BICD1: variants seen among roughly 807,000 people sequenced by gnomAD.
The protein encoded by BICD1 is BICD cargo adaptor 1.
BICD1 carries 35 observed loss-of-function variants against 92.5 expected under a neutral mutation model. The observed-to-expected ratio is 0.38, with a 90% confidence interval of 0.29 to 0.50. The LOEUF (loss-of-function observed/expected upper bound fraction) is 0.50, where lower values mean the gene tolerates loss of function less well. Among genes scored for constraint, BICD1 ranks in the 20% least tolerant of loss-of-function variants. The pLI, the probability that BICD1 is intolerant of heterozygous loss-of-function variation, is 0.93. For synonymous variants in BICD1, 429 were observed against 465.1 expected, an observed-to-expected ratio of 0.92 and a Z score of 1.00; for missense variants, 950 against 1,189.8, an observed-to-expected ratio of 0.80 and a Z score of 2.97.
At chr12:32,300,954 C>A (rs1226203091) in intron 3 of BICD1, among the ~76,000 whole-genome samples, 1 of 152,016 alleles carries the variant, frequency 6.6e-6, no homozygotes, top group Non-Finnish European at 1.5e-5. Flanking sequence ...CCCGGCCCAA[C>A]TTTACAGTAT....
At chr12:32,243,257 CT>C (rs1946282369) in intron 2 of BICD1, among the ~76,000 whole-genome samples, 1 of 99,318 alleles carries the variant, frequency 1.0e-5, no homozygotes, top group African/African-American at 3.5e-5. Flanking sequence ...CCCACCATGC[CT>C]GGCTAATTTT....
intron 2 of BICD1, among the ~76,000 whole-genome samples, chr12:32,254,006 G>A (rs970510279): frequency 2.5e-4 from 28 of 113,036 alleles, no homozygotes; most frequent in African/African-American, 7.9e-4. Flanking sequence ...CATTCATTGC[G>A]GTATCCCACC....
chr12:32,373,772 C>T (rs1464117303), intron 9 of BICD1, among the ~76,000 whole-genome samples: 2 of 150,654 alleles, frequency 1.3e-5, no homozygotes, highest in African/African-American at 2.4e-5. Context: ...CCCAGCTACT[C>T]GGGAGGCTGA....
At chr12:32,149,139 T>G (rs1041714409) in intron 1 of BICD1, among the ~76,000 whole-genome samples, 3 of 152,248 alleles carry the variant, frequency 2.0e-5, no homozygotes, top group African/African-American at 7.2e-5. Flanking sequence ...GGTCTCCTTG[T>G]GCTGAACTGC....
intron 1 of BICD1, among the ~76,000 whole-genome samples, chr12:32,177,682 A>ATTCTTTTTTTTTT (rs766041969): frequency 2.3e-5 from 1 of 43,038 alleles, no homozygotes; most frequent in Non-Finnish European, 4.3e-5. Context: ...AAGAAAACAC[A>ATTCTTTTTTTTTT]TTATTAAAGT....
At chr12:32,115,835 A>G (rs1941870950) in intron 1 of BICD1, among the ~76,000 whole-genome samples, 1 of 151,960 alleles carries the variant, frequency 6.6e-6, no homozygotes, top group South Asian at 2.1e-4. Flanking sequence ...GCTAGTTTCC[A>G]TGGCCGGCAA....
chr12:32,251,469 T>C (rs1236938908), intron 2 of BICD1, among the ~76,000 whole-genome samples: 1 of 135,166 alleles, frequency 7.4e-6, no homozygotes, highest in Non-Finnish European at 1.6e-5. Context: ...GACTGGTTTC[T>C]TCCTGGAGGC....
At chr12:32,249,338 T>TC (rs1946470286) in intron 2 of BICD1, among the ~76,000 whole-genome samples, 1 of 152,260 alleles carries the variant, frequency 6.6e-6, no homozygotes, top group Non-Finnish European at 1.5e-5. Flanking sequence ...AACGTGTTCT[T>TC]ATATATGAGT....
At chr12:32,166,134 A>ATTTG (rs1555140597) in intron 1 of BICD1, among the ~76,000 whole-genome samples, 1 of 31,768 alleles carries the variant, frequency 3.1e-5, no homozygotes, top group African/African-American at 7.1e-5. Flanking sequence ...TTATTTATTT[A>ATTTG]TTTATTTATT....
At chr12:32,318,068 T>C (rs1028201031) in intron 4 of BICD1, among the ~76,000 whole-genome samples, 48 of 152,072 alleles carry the variant, frequency 3.2e-4, no homozygotes, top group South Asian at 2.3e-3. Context: ...TCCATTGGTC[T>C]ATATCTCTGT....
At chr12:32,375,312 T>A (rs1939909508) in intron 9 of BICD1, among the ~76,000 whole-genome samples, 2 of 151,940 alleles carry the variant, frequency 1.3e-5, no homozygotes, top group African/African-American at 4.8e-5. Flanking sequence ...GCAGATCACT[T>A]GAAGTCAGGA....
chr12:32,231,235 C>A (rs1945877048), intron 2 of BICD1, among the ~76,000 whole-genome samples: 1 of 152,142 alleles, frequency 6.6e-6, no homozygotes, highest in Non-Finnish European at 1.5e-5. Context: ...GTAATCCCAG[C>A]ACTTTGGGAG....
In BICD1 at chr12:32,211,723, G is replaced by T. The variant is rs1221120768; in HGVS notation, c.214-4524G>T. Among the ~76,000 whole-genome samples, 5 of 148,422 alleles carry T rather than the reference G, an allele frequency of 3.4e-5. 1 individual carries two copies. Among genetic ancestry groups the T allele is most frequent in the Admixed American group, 2.0e-4 (3 of 14,884 alleles). On this transcript the variant is annotated intron_variant, in intron 1 of 9. Transcript: ENST00000652176. The stretch of plus-strand genomic sequence containing the variant: ...AGTTGTGAAAAAAAAAAAAAAGCCA[G>T]CTGGGGTTCTTGACACACAGTTCAT...
At chr12:32,111,928 C>T (rs536127591) in intron 1 of BICD1, among the ~76,000 whole-genome samples, 2 of 151,556 alleles carry the variant, frequency 1.3e-5, no homozygotes, top group South Asian at 4.2e-4. Flanking sequence ...CAAACAACCT[C>T]AACAAATAAA....
At chr12:32,223,516 CAAAAAAA>C (rs60536204) in intron 2 of BICD1, among the ~76,000 whole-genome samples, 1 of 103,444 alleles carries the variant, frequency 9.7e-6, no homozygotes, top group Non-Finnish European at 2.0e-5. Flanking sequence ...GACTTTGTCT[CAAAAAAA>C]AAAAAAAAAA....
intron 1 of BICD1, among the ~76,000 whole-genome samples, chr12:32,209,794 T>C (rs1395706126): frequency 6.6e-6 from 1 of 152,214 alleles, no homozygotes; most frequent in Non-Finnish European, 1.5e-5. Context: ...CTTCCCTGAC[T>C]GCCCTTTCTA....
At chr12:32,306,586 G>A (rs1385251183) in intron 4 of BICD1, among the ~76,000 whole-genome samples, 3 of 152,044 alleles carry the variant, frequency 2.0e-5, no homozygotes, top group Non-Finnish European at 4.4e-5. Flanking sequence ...TAGAAACTTC[G>A]AAAGTGCAGT....
chr12:32,112,075 C>T (rs931650276), intron 1 of BICD1, among the ~76,000 whole-genome samples: 5 of 132,376 alleles, frequency 3.8e-5, no homozygotes, highest in Admixed American at 8.7e-5. Context: ...GGTGTGATCT[C>T]GGCTCACCGC....
chr12:32,198,479 C>A (rs1349553529), intron 1 of BICD1, among the ~76,000 whole-genome samples: 1 of 150,560 alleles, frequency 6.6e-6, no homozygotes, highest in Non-Finnish European at 1.5e-5. Context: ...GTTTGACAGG[C>A]CTGTGTGAAT....
Sources: gnomAD v4.1 joint callset for allele counts (sites outside exome capture counted in the v4.1 genomes callset) on GRCh38, gnomAD v4.1.1 for gene constraint, MANE v1.5 for transcripts, NCBI Gene and HGNC (gene_info 2026-07-23, HGNC 2026-07-21) for gene names.